The following ANKRD31 variants were observed in gnomAD, a reference collection of about 807,000 sequenced individuals.
ANKRD31 encodes the protein ankyrin repeat domain 31.
In ANKRD31, 147 loss-of-function variants were observed where a neutral mutation model predicts 186.0. The observed-to-expected ratio is 0.79, with a 90% CI of 0.69 to 0.91. ANKRD31 has a LOEUF of 0.91. Among genes scored for constraint, ANKRD31 ranks in the 40% least tolerant of loss-of-function variants. ANKRD31 has a pLI of 0.00. For synonymous variants in ANKRD31, 673 were observed against 736.4 expected (o/e 0.91, Z 1.39); for missense variants, 1,986 against 2,148.8 (o/e 0.92, Z 1.50).
At chr5:75,102,633 G>A (rs752252335) in intron 22 of ANKRD31, among the ~76,000 whole-genome samples, 11 of 152,186 alleles carry the variant, frequency 7.2e-5, no homozygotes, top group South Asian at 2.1e-4. Flanking sequence ...CAGCAATGGC[G>A]GACGCCACTC....
At chr5:75,116,992 C>T (rs746123338) in intron 18 of ANKRD31, among the ~76,000 whole-genome samples, 10 of 152,086 alleles carry the variant, frequency 6.6e-5, no homozygotes, top group Non-Finnish European at 1.5e-4. Context: ...CAAGAAGTTG[C>T]CCAATGTCAC....
At position 75,210,838 on chromosome 5, in the gene ANKRD31, C is replaced by T. The variant is rs1756580526; in HGVS notation, c.316G>A (p.Ala106Thr). The T allele has an allele frequency of 6.6e-7, 1 of 1,510,778 alleles. No individual in the cohort carries two copies. Among genetic ancestry groups the T allele is most frequent in the Non-Finnish European group, 8.8e-7 (1 of 1,137,962 alleles). The allele number at this position is 1,510,778 out of a possible 1,614,324, so 93.6% of individuals were successfully genotyped here. A position where few individuals can be genotyped will look rare whatever the true frequency, so the allele number is the denominator to read the frequency against. The change falls in exon 4 of 26, where the codon GCT becomes ACT. Residue 106 changes from alanine to threonine, a missense_variant. Physicochemically the swap from Ala to Thr is moderately conservative, Grantham distance 58. Coordinates refer to ENST00000506364, the MANE Select transcript of ANKRD31 (RefSeq NM_001372053.1). ...QSQDETERNQALLQTRKNCSM... is the reference protein window; with the variant it reads ...QSQDETERNQTLLQTRKNCSM... ...AATTAGTATACTTACTGTAACAGAG[C>T]TTGATTTCGTTCTGTTTCATCTTGA...
Position 75,199,671 on chromosome 5 carries a change from G to T in ANKRD31, c.407C>A (p.Pro136Gln), listed in dbSNP as rs1339356454. The change falls in exon 6 of 26, where the codon CCA (proline) becomes CAA (glutamine). Residue 136 changes from proline to glutamine, a missense_variant. By Grantham distance (76) the Pro-to-Gln change is moderately conservative. Transcript: ENST00000506364. ...LSLNHQNIEG[P>Q]EAESPEVLPH... ...CAAAACTTCAGGACTTTCAGCCTCT[G>T]GCCCTAGAAAAAAACAATGTGTTTT... 1 of 1,532,088 alleles carries T rather than the reference G, an allele frequency of 6.5e-7. No individual in the cohort carries two copies. Among genetic ancestry groups the T allele is most frequent in the South Asian group, 1.2e-5 (1 of 83,666 alleles). 94.9% of individuals were successfully genotyped at this position (1,532,088 alleles called of 1,614,324 possible).
intron 10 of ANKRD31, among the ~76,000 whole-genome samples, chr5:75,173,338 C>A (rs1335889353): frequency 2.6e-5 from 4 of 152,010 alleles, no homozygotes; most frequent in Non-Finnish European, 5.9e-5. Context: ...ATAAGGATAC[C>A]CTCTCTCAAC....
At chr5:75,134,142 G>C (rs71370338) in intron 17 of ANKRD31, among the ~76,000 whole-genome samples, 4 of 152,130 alleles carry the variant, frequency 2.6e-5, no homozygotes, top group Admixed American at 2.0e-4. Flanking sequence ...AAAGCTAGCA[G>C]AAGACAAGAA....
chr5:75,180,288 C>T (rs1272147168), intron 10 of ANKRD31, among the ~76,000 whole-genome samples: 6 of 152,100 alleles, frequency 3.9e-5, no homozygotes, highest in African/African-American at 1.2e-4. Context: ...GAATCAATAT[C>T]GTGAAAATGG....
chr5:75,161,760 T>C (rs1265483234), intron 11 of ANKRD31, among the ~76,000 whole-genome samples: 1 of 152,184 alleles, frequency 6.6e-6, no homozygotes, highest in Non-Finnish European at 1.5e-5. Context: ...CTTGGTGCCC[T>C]GTGTCCCAGC....
chr5:75,121,876 A>G (rs1480626899), intron 17 of ANKRD31, among the ~76,000 whole-genome samples: 1 of 152,082 alleles, frequency 6.6e-6, no homozygotes, highest in African/African-American at 2.4e-5. Flanking sequence ...ACAGATTAAC[A>G]CCCTAACATC....
Position 75,146,137 on chromosome 5 carries a change from T to C in ANKRD31, c.3274A>G (p.Thr1092Ala). The change falls in exon 14 of 26, where the codon ACA (threonine) becomes GCA (alanine). Residue 1092 changes from threonine (T) to alanine (A), a missense_variant. By Grantham distance (58) the Thr-to-Ala change is moderately conservative (BLOSUM62 0). Coordinates refer to ENST00000506364, the MANE Select transcript of ANKRD31 (RefSeq NM_001372053.1). ...TGTCTCCTTTTTTCAACTTTAGTTG[T>C]TTCTATTACTTGAGAATGAGCAACT... ...SIVAHSQVIE[T>A]TKVEKRRQNH... 6.5e-7 allele frequency: 1 copy of C among 1,536,088 alleles called. No homozygotes were observed. The highest frequency in any genetic ancestry group is 8.7e-7 in the Non-Finnish European group (1 of 1,146,288).
chr5:75,146,691 G>A lies in ANKRD31; in HGVS notation c.2720C>T (p.Ser907Phe), dbSNP rs1039576994. 1 of 1,536,236 alleles carries A rather than the reference G, an allele frequency of 6.5e-7. No homozygotes were observed. Among genetic ancestry groups the A allele is most frequent in the East Asian group, 2.4e-5 (1 of 40,870 alleles). ...AGATGTTATAGCCTTCTCAGAGGTAGAGCAATCATCATCATCATCATTATC... is the reference window on the plus strand; with the variant it reads ...AGATGTTATAGCCTTCTCAGAGGTAAAGCAATCATCATCATCATCATTATC... ...NSDNDDDDDC[S>F]TSEKAITSKK... The change falls in exon 14 of 26, where the codon TCT becomes TTT. Residue 907 changes from serine to phenylalanine, a missense_variant. Physicochemically the swap from Ser to Phe is radical, Grantham distance 155 (BLOSUM62 -2). Transcript: ENST00000506364.
intron 21 of ANKRD31, 100 bp from the exon 22 acceptor site, chr5:75,105,318 C>T: frequency 7.9e-7 from 1 of 1,260,368 alleles, no homozygotes; most frequent in Non-Finnish European, 1.0e-6. Context: ...AAATTTTAAT[C>T]ACTTTAAAAT....
chr5:75,098,341 G>C (rs1187312538), intron 22 of ANKRD31, among the ~76,000 whole-genome samples: 7 of 152,132 alleles, frequency 4.6e-5, no homozygotes, highest in Admixed American at 4.6e-4. Context: ...TAGCCTTGTA[G>C]TATACTTTGA....
intron 17 of ANKRD31, among the ~76,000 whole-genome samples, chr5:75,119,996 GA>G (rs1419962884): frequency 6.6e-6 from 1 of 152,010 alleles, no homozygotes; most frequent in Admixed American, 6.6e-5. Flanking sequence ...ATTTTGGGGA[GA>G]AAAAAATGTC....
chr5:75,159,669 T>TAAA (rs56742059), intron 11 of ANKRD31, among the ~76,000 whole-genome samples: 2 of 146,330 alleles, frequency 1.4e-5, no homozygotes, highest in Admixed American at 6.8e-5. Context: ...CATTCACAGA[T>TAAA]AAAAAAAAAA....
intron 22 of ANKRD31, among the ~76,000 whole-genome samples, chr5:75,098,915 C>A (rs137883364): frequency 0.15 from 22,487 of 151,960 alleles, 1,887 homozygotes; most frequent in South Asian, 0.38. Context: ...AATTCAATAC[C>A]CTTTATTTCT....
chr5:75,231,235 AT>A (rs1757935474), intron 1 of ANKRD31, among the ~76,000 whole-genome samples: 2 of 149,348 alleles, frequency 1.3e-5, no homozygotes, highest in East Asian at 2.0e-4. Context: ...ATGCCTGGCT[AT>A]TTTTTTAATT....
intron 10 of ANKRD31, among the ~76,000 whole-genome samples, chr5:75,177,350 G>A (rs1753892969): frequency 6.6e-6 from 1 of 151,998 alleles, no homozygotes; most frequent in African/African-American, 2.4e-5. Flanking sequence ...CTAGCAAGGT[G>A]GGCCAACATT....
At position 75,168,814 on chromosome 5, in the gene ANKRD31, A is replaced by G. The variant is rs567500127; in HGVS notation, c.1707+165T>C. ...TAAAATGACACCTATCATATTACAC[A>G]CAACAAACCCATCACACAGTAAAAT... On this transcript the variant is annotated intron_variant, in intron 11 of 25. Coordinates refer to ENST00000506364, the MANE Select transcript of ANKRD31 (RefSeq NM_001372053.1). Among the ~76,000 whole-genome samples, 3 of 152,322 alleles carry G rather than the reference A, an allele frequency of 2.0e-5. No individual in the cohort carries two copies. The East Asian group carries it at 5.8e-4, about 29-fold the overall frequency.
rs184260384 is a variant in ANKRD31, at chr5:75,178,060, C to T, written c.1565-8939G>A. Among the ~76,000 whole-genome samples, 837 of 151,604 alleles carry T rather than the reference C, an allele frequency of 5.5e-3. 13 individuals carry two copies. The highest frequency in any genetic ancestry group is 0.02 in the Middle Eastern group (6 of 294). On this transcript the variant is annotated intron_variant, in intron 10 of 25. Transcript: ENST00000506364. ...GAAGATCTACCAAGCAAATGGAAGA[C>T]AAAAAAAGGCAGGGGTTGCAATCTG... is the stretch of plus-strand genomic sequence containing the variant.
Sources: gnomAD v4.1 joint callset for allele counts (sites outside exome capture counted in the v4.1 genomes callset) on GRCh38, gnomAD v4.1.1 for gene constraint, MANE v1.5 for transcripts, NCBI Gene and HGNC (gene_info 2026-07-23, HGNC 2026-07-21) for gene names.